Variants in RO60 observed in about 807,000 individuals in gnomAD.
RO60 encodes RNA-binding protein RO60.
In RO60, 20 loss-of-function variants were observed where a neutral mutation model predicts 55.3. That is an observed-to-expected ratio of 0.36 (90% confidence interval 0.25 to 0.53). RO60 has a LOEUF of 0.53. Among genes scored for constraint, RO60 ranks in the 20% least tolerant of loss-of-function variants. The pLI is 0.92. For missense variants in RO60, 558 were observed against 646.6 expected (o/e 0.86, Z 1.49); for synonymous variants, 213 against 213.6 (o/e 1.00, Z 0.02).
chr1:193,082,457 C>A, intron 7 of RO60, 105 bp from the exon 8 acceptor site: 2 of 1,405,184 alleles, frequency 1.4e-6, no homozygotes, highest in Non-Finnish European at 2.0e-6. Context: ...TATATGCAGG[C>A]TTTGGGAAGG....
At position 193,090,313 on chromosome 1, in the gene RO60, A is replaced by T. The variant is rs886143418; in HGVS notation, c.*5582A>T. On this transcript the variant is annotated 3_prime_UTR_variant, in exon 9 of 9. Transcript: ENST00000400968. ...TTGAGGGAATATTATATCAACAAAC[A>T]TATTGAAACTTGGCTTTATTTGTAA... 4 of 149,864 alleles carry T rather than the reference A, an allele frequency of 2.7e-5. No homozygotes were observed. Among genetic ancestry groups the T allele is most frequent in the African/African-American group, 9.7e-5 (4 of 41,224 alleles). The allele number at this position is 149,864 out of a possible 1,614,324, so 9.3% of individuals were successfully genotyped here. A position where few individuals can be genotyped will look rare whatever the true frequency, so the allele number is the denominator to read the frequency against.
At position 193,076,575 on chromosome 1, in the gene RO60, A is replaced by G. The variant is rs1673935107; in HGVS notation, c.876A>G (p.Ser292=). ...LRNLGKMTAN[S]VLEPGNSEVS... ...ATCTAGGAAAGATGACTGCTAATTC[A>G]GTACTTGAACCAGGAAATTCAGAAG... Residue 292 remains serine, a synonymous_variant, in exon 4 of 9, where the codon TCA becomes TCG. Coordinates refer to ENST00000400968, the MANE Select transcript of RO60 (RefSeq NM_001173524.2). 6.2e-7 allele frequency: 1 copy of G among 1,611,976 alleles called. No homozygotes were observed. Among genetic ancestry groups the G allele is most frequent in the African/African-American group, 1.3e-5 (1 of 74,848 alleles).
chr1:193,075,838 A>G lies in RO60; in HGVS notation c.599A>G (p.Lys200Arg), dbSNP rs1436305173. 1.9e-6 allele frequency: 3 copies of G among 1,605,902 alleles called. No individual in the cohort carries two copies. Among genetic ancestry groups the G allele is most frequent in the Admixed American group, 1.7e-5 (1 of 58,150 alleles). ...PSSEGLAIVT[K>R]YITKGWKEVH... ...GTTAAAGGACTTGCAATTGTGACCA[A>G]ATATATTACAAAGGGCTGGAAAGAA... Residue 200 changes from lysine to arginine, a missense_variant, in exon 3 of 9, where the codon AAA becomes AGA. Transcript: ENST00000400968.
rs1673306804 is a variant in RO60 at position 193,069,081 on chromosome 1, G to A, written c.27G>A (p.Gln9=). The A allele has an allele frequency of 1.9e-6, 3 of 1,611,656 alleles. No individual in the cohort carries two copies. The highest frequency in any genetic ancestry group is 2.7e-5 in the African/African-American group (2 of 74,846). ...TGGAGGAATCTGTAAACCAAATGCAGCCACTGAATGAGAAGCAGATAGCCA... is the reference window on the plus strand; with the variant it reads ...TGGAGGAATCTGTAAACCAAATGCAACCACTGAATGAGAAGCAGATAGCCA... MEESVNQM[Q]PLNEKQIANS... is the part of the protein sequence containing the mutation. Residue 9 remains glutamine (Q), a synonymous_variant, in exon 2 of 9, where the codon CAG becomes CAA. Transcript: ENST00000400968.
intron 2 of RO60, among the ~76,000 whole-genome samples, chr1:193,071,059 T>C (rs1408742251): frequency 6.6e-6 from 1 of 152,172 alleles, no homozygotes; most frequent in Non-Finnish European, 1.5e-5. Context: ...GGTTTCAGAA[T>C]GAAACTGTTC....
intron 5 of RO60, among the ~76,000 whole-genome samples, chr1:193,078,022 A>G (rs115808456): frequency 0.013 from 1,918 of 152,318 alleles, 40 homozygotes; most frequent in African/African-American, 0.043. Context: ...ACTAGCAACC[A>G]AAGTCAGCAG....
At chr1:193,077,879 C>G (rs1466276747) in intron 5 of RO60, among the ~76,000 whole-genome samples, 1 of 152,154 alleles carries the variant, frequency 6.6e-6, no homozygotes, top group African/African-American at 2.4e-5. Context: ...CTGTCAGGTC[C>G]TTTGACTTGG....
At chr1:193,071,674 A>G (rs1673512591) in intron 2 of RO60, among the ~76,000 whole-genome samples, 2 of 151,296 alleles carry the variant, frequency 1.3e-5, no homozygotes, top group Non-Finnish European at 2.9e-5. Flanking sequence ...TAGAATCATG[A>G]AAGATTCTTT....
Position 193,084,614 on chromosome 1 carries a change from A to C in RO60, c.1500A>C (p.Gly500=). The part of the protein sequence containing the change: ...MDIPAKLIVC[G]MTSNGFTIAD... The stretch of plus-strand genomic sequence containing the variant: ...TTCCAGCTAAATTGATTGTTTGTGG[A>C]ATGACATCAAATGGTTTCACCATTG... The change falls in exon 9 of 9, where the codon GGA becomes GGC. Residue 500 remains glycine, a synonymous_variant. Transcript: ENST00000400968. The C allele has an allele frequency of 1.2e-6, 2 of 1,613,588 alleles. No homozygotes were observed. Among genetic ancestry groups the C allele is most frequent in the East Asian group, 4.5e-5 (2 of 44,870 alleles).
chr1:193,067,492 T>C (rs530556297), intron 1 of RO60, among the ~76,000 whole-genome samples: 192 of 152,238 alleles, frequency 1.3e-3, no homozygotes, highest in Non-Finnish European at 2.4e-3. Flanking sequence ...GCCCAAATTT[T>C]TTTTTTTTAG....
intron 1 of RO60, among the ~76,000 whole-genome samples, chr1:193,061,887 G>A (rs1672782933): frequency 6.6e-6 from 1 of 152,048 alleles, no homozygotes; most frequent in African/African-American, 2.4e-5. Flanking sequence ...AGGAGGCTGA[G>A]GCAGGAGAAT....
At position 193,082,671 on chromosome 1, in the gene RO60, G is replaced by A. The variant is rs767973803; in HGVS notation, c.1427G>A (p.Gly476Asp). 3.7e-6 allele frequency: 6 copies of A among 1,613,734 alleles called. No individual in the cohort carries two copies. The highest frequency in any genetic ancestry group is 5.1e-6 in the Non-Finnish European group (6 of 1,179,864). Reference sequence around the variant, plus strand: ...ACTGATAATGAGACCTTTGCTGGAGGTGTCCATCCTGCTATTGCTCTGAGG... The same window carrying A: ...ACTGATAATGAGACCTTTGCTGGAGATGTCCATCCTGCTATTGCTCTGAGG... ...VFTDNETFAG[G>D]VHPAIALREY... Residue 476 changes from glycine to aspartate, a missense_variant, in exon 8 of 9, where the codon GGT becomes GAT. Transcript: ENST00000400968.
chr1:193,072,409 A>AT (rs1392130735), intron 2 of RO60, among the ~76,000 whole-genome samples: 12 of 148,682 alleles, frequency 8.1e-5, no homozygotes, highest in Admixed American at 2.0e-4. Flanking sequence ...CAGTGCATGC[A>AT]TTTTTTCTTC....
intron 1 of RO60, among the ~76,000 whole-genome samples, chr1:193,063,274 T>C (rs1672903088): frequency 6.6e-6 from 1 of 152,248 alleles, no homozygotes; most frequent in South Asian, 2.1e-4. Flanking sequence ...TGATGACTAA[T>C]GATGTTCGTC....
Position 193,084,807 on chromosome 1 carries a change from A to G in RO60, c.*76A>G. 6.4e-7 allele frequency: 1 copy of G among 1,555,602 alleles called. No homozygotes were observed. Among genetic ancestry groups the G allele is most frequent in the Non-Finnish European group, 8.7e-7 (1 of 1,155,388 alleles). ...AAAAATATACAGCTACTTCCCAGCT[A>G]ATCTCCACCCAATGAATGATGATGG... is the stretch of plus-strand genomic sequence containing the variant. On this transcript the variant is annotated 3_prime_UTR_variant, in exon 9 of 9. Coordinates refer to ENST00000400968, the MANE Select transcript of RO60 (RefSeq NM_001173524.2).
rs1302926894 is a variant in RO60 at position 193,059,753 on chromosome 1, C to G, written c.-45C>G. On this transcript the variant is annotated 5_prime_UTR_variant, in exon 1 of 9. Transcript: ENST00000400968. This position sits in a 1 kb window ranked among gnomAD's most constrained non-coding sequence, Gnocchi z 4.9. ...ACTTCTCCTGGCGGCGCTGCGGATC[C>G]AGGGGGTCGGCTGCCAGGTACAGGT... 1.5e-6 allele frequency: 2 copies of G among 1,355,988 alleles called. No individual in the cohort carries two copies. Among genetic ancestry groups the G allele is most frequent in the Non-Finnish European group, 9.8e-7 (1 of 1,017,218 alleles). The allele number at this position is 1,355,988 out of a possible 1,614,324, so 84.0% of individuals were successfully genotyped here.
chr1:193,075,436 T>TA (rs1673842995), intron 2 of RO60, among the ~76,000 whole-genome samples: 1 of 151,272 alleles, frequency 6.6e-6, no homozygotes, highest in Non-Finnish European at 1.5e-5. Context: ...TGAATATAAT[T>TA]AATATAATAT....
chr1:193,075,622 A>C (rs1422665745), intron 2 of RO60, among the ~76,000 whole-genome samples, 198 bp from the exon 3 acceptor site: 1 of 152,132 alleles, frequency 6.6e-6, no homozygotes, highest in Non-Finnish European at 1.5e-5. Flanking sequence ...TCTCATATTT[A>C]AATAGTAATG....
At chr1:193,072,852 A>C (rs533165149) in intron 2 of RO60, among the ~76,000 whole-genome samples, 1 of 152,334 alleles carries the variant, frequency 6.6e-6, no homozygotes. Context: ...GATGTTTCCT[A>C]AACTTACTTC....
Sources: gnomAD v4.1 joint callset for allele counts (sites outside exome capture counted in the v4.1 genomes callset) on GRCh38, gnomAD v4.1.1 for gene constraint, Gnocchi (gnomAD v3.1) non-coding constraint, MANE v1.5 for transcripts, NCBI Gene and HGNC (gene_info 2026-07-23, HGNC 2026-07-21) for gene names.